IKZF3: variants seen among roughly 807,000 people sequenced by gnomAD.
The protein encoded by IKZF3 is zinc finger protein Aiolos.
A neutral mutation model predicts 49.0 loss-of-function variants in IKZF3; 10 were observed. The observed-to-expected ratio is 0.20, with a 90% CI of 0.13 to 0.35. IKZF3 has a LOEUF of 0.35. Ranked by LOEUF, IKZF3 falls within the 10% of genes least tolerant of loss-of-function variation. IKZF3 has a pLI of 1.00. For missense variants in IKZF3, 498 were observed against 664.8 expected (o/e 0.75, Z 2.76); for synonymous variants, 209 against 228.2 (o/e 0.92, Z 0.76).
intron 1 of IKZF3, among the ~76,000 whole-genome samples, chr17:39,837,058 A>G (rs1022649876): frequency 6.6e-6 from 1 of 151,998 alleles, no homozygotes. Flanking sequence ...CAGCCTCCCA[A>G]GTAACTAGGA....
rs1048806802 is a variant in IKZF3 at position 39,761,461 on chromosome 17, A to C, written c.*4329T>G. ...CTGGGCATTGTTTGTGCATGCCTGT[A>C]ATCCCAGCTACTTGGGAGGCTGAGG... On this transcript the variant is annotated 3_prime_UTR_variant, in exon 8 of 8. Coordinates refer to ENST00000346872, the MANE Select transcript of IKZF3 (RefSeq NM_012481.5). 1 of 152,060 alleles carries C rather than the reference A, an allele frequency of 6.6e-6. No homozygotes were observed. The highest frequency in any genetic ancestry group is 1.5e-5 in the Non-Finnish European group (1 of 68,034). The allele number at this position is 152,060 out of a possible 1,614,324, so 9.4% of individuals were successfully genotyped here. A position where few individuals can be genotyped will look rare whatever the true frequency, so the allele number is the denominator to read the frequency against.
intron 3 of IKZF3, among the ~76,000 whole-genome samples, chr17:39,827,345 G>A (rs1279785059): frequency 6.6e-6 from 1 of 151,768 alleles, no homozygotes; most frequent in African/African-American, 2.4e-5. Context: ...CCAGGCTGGA[G>A]TGCAGTAGCA....
intron 3 of IKZF3, among the ~76,000 whole-genome samples, chr17:39,804,737 C>A (rs1465674307): frequency 2.0e-5 from 3 of 152,124 alleles, no homozygotes; most frequent in South Asian, 4.1e-4. Context: ...TGCCACTGGC[C>A]AGTCCCTGCT....
chr17:39,767,623 G>T (rs1567956966), intron 7 of IKZF3, among the ~76,000 whole-genome samples: 1 of 152,084 alleles, frequency 6.6e-6, no homozygotes, highest in African/African-American at 2.4e-5. Flanking sequence ...ACAGTAAAGG[G>T]TTCAGCAATG....
chr17:39,848,390 T>C (rs543247700), intron 1 of IKZF3, among the ~76,000 whole-genome samples: 1 of 152,348 alleles, frequency 6.6e-6, no homozygotes, highest in East Asian at 1.9e-4. Flanking sequence ...AATTTTACCT[T>C]GTATATCACA....
chr17:39,825,224 C>T (rs779532037), intron 3 of IKZF3, among the ~76,000 whole-genome samples: 25 of 152,080 alleles, frequency 1.6e-4, no homozygotes, highest in African/African-American at 4.6e-4. Flanking sequence ...GTAAATGCCA[C>T]GGTTAAGTGG....
chr17:39,830,157 G>A (rs1280624743), intron 2 of IKZF3, among the ~76,000 whole-genome samples: 8 of 152,192 alleles, frequency 5.3e-5, no homozygotes, highest in East Asian at 1.9e-4. Context: ...AATACTAAGC[G>A]TGCAAACACT....
rs1313252127 is a variant in IKZF3, at chr17:39,758,569, G to T, written c.*7221C>A. The T allele has an allele frequency of 6.6e-6, 1 of 152,100 alleles. No individual in the cohort carries two copies. The highest frequency in any genetic ancestry group is 2.1e-4 in the South Asian group (1 of 4,810). 9.4% of individuals were successfully genotyped at this position (152,100 alleles called of 1,614,324 possible). On this transcript the variant is annotated 3_prime_UTR_variant, in exon 8 of 8. Transcript: ENST00000346872. ...GGACTCTCTCCAGGCTTTCTGGAGT[G>T]GGGTCAGTGGAGAGATGAACAGTGA...
rs190237031 is a variant in IKZF3, at chr17:39,765,584, G to T, written c.*206C>A. 5 of 495,266 alleles carry T rather than the reference G, an allele frequency of 1.0e-5. No homozygotes were observed. In the Admixed American group the frequency reaches 1.5e-4, roughly 14 times the overall value. The allele number at this position is 495,266 out of a possible 1,614,324, so 30.7% of individuals were successfully genotyped here. A position where few individuals can be genotyped will look rare whatever the true frequency, so the allele number is the denominator to read the frequency against. ...TTCAAGTCCCTGATGGGAAAACAAAGGTTTCACAAAAGTAATAATATGCTA... is the reference window on the plus strand; with the variant it reads ...TTCAAGTCCCTGATGGGAAAACAAATGTTTCACAAAAGTAATAATATGCTA... On this transcript the variant is annotated 3_prime_UTR_variant, in exon 8 of 8. Coordinates refer to ENST00000346872, the MANE Select transcript of IKZF3 (RefSeq NM_012481.5).
rs1413410052 is a variant in IKZF3, at chr17:39,788,330, G to C, written c.637C>G (p.Gln213Glu). Residue 213 changes from glutamine to glutamate, a missense_variant, in exon 6 of 8, where the codon CAG becomes GAG. This residue lies in a region of IKZF3 where 84 missense variants were observed against 168.6 expected (regional missense o/e 0.50). Coordinates refer to ENST00000346872, the MANE Select transcript of IKZF3 (RefSeq NM_012481.5). ...TTGTGCTCCTCAAGGGAACTTCTCTGCTTGTAACTCCTTCCACAAAACTCA... is the reference window on the plus strand; with the variant it reads ...TTGTGCTCCTCAAGGGAACTTCTCTCCTTGTAACTCCTTCCACAAAACTCA... ...KCEFCGRSYK[Q>E]RSSLEEHKER... 6.2e-7 allele frequency: 1 copy of C among 1,613,802 alleles called. No homozygotes were observed. Among genetic ancestry groups the C allele is most frequent in the Non-Finnish European group, 8.5e-7 (1 of 1,179,832 alleles).
chr17:39,819,120 C>T (rs542429862), intron 3 of IKZF3, among the ~76,000 whole-genome samples: 59 of 152,190 alleles, frequency 3.9e-4, no homozygotes, highest in African/African-American at 1.4e-3. Context: ...TGGGTTTTTA[C>T]AATATTTATT....
At position 39,850,224 on chromosome 17, in the gene IKZF3, T is replaced by C. The variant is rs962674062; in HGVS notation, c.7+13896A>G. On this transcript the variant is annotated intron_variant, in intron 1 of 7. Transcript: ENST00000346872. ...TATATACTATATAACATATTATGTA[T>C]GTATATATAATATATAGTATATACA... 7.1e-5 allele frequency among the ~76,000 whole-genome samples: 10 copies of C among 141,738 alleles called. 1 individual carries two copies. Among genetic ancestry groups the C allele is most frequent in the African/African-American group, 1.0e-4 (4 of 38,422 alleles). The allele number at this position is 141,738 out of a possible 152,430, so 93.0% of individuals were successfully genotyped here. A position where few individuals can be genotyped will look rare whatever the true frequency, so the allele number is the denominator to read the frequency against.
At chr17:39,863,611 T>G (rs2144620193) in intron 1 of IKZF3, among the ~76,000 whole-genome samples, 1 of 152,276 alleles carries the variant, frequency 6.6e-6, no homozygotes, top group East Asian at 1.9e-4. Flanking sequence ...GTGAACCTGA[T>G]TTTTTGCGCT....
chr17:39,810,870 A>G (rs1358630871), intron 3 of IKZF3, among the ~76,000 whole-genome samples: 2 of 152,200 alleles, frequency 1.3e-5, no homozygotes, highest in Non-Finnish European at 2.9e-5. Flanking sequence ...GAAATTATCT[A>G]ATTGATCCTT....
chr17:39,763,852 G>T lies in IKZF3; in HGVS notation c.*1938C>A, dbSNP rs1454231694. 1.3e-5 allele frequency: 2 copies of T among 152,042 alleles called. No homozygotes were observed. Among genetic ancestry groups the T allele is most frequent in the Non-Finnish European group, 2.9e-5 (2 of 68,014 alleles). The allele number at this position is 152,042 out of a possible 1,614,324, so 9.4% of individuals were successfully genotyped here. A position where few individuals can be genotyped will look rare whatever the true frequency, so the allele number is the denominator to read the frequency against. ...GAGTTTTTTTTGTTTTTGTTTGTTT[G>T]TTTTTGTTTTGTTTTGTTTGAGACA... On this transcript the variant is annotated 3_prime_UTR_variant, in exon 8 of 8. Transcript: ENST00000346872.
Position 39,810,389 on chromosome 17 carries a change from C to A in IKZF3, c.164-17456G>T, listed in dbSNP as rs552866645. 2.0e-5 allele frequency among the ~76,000 whole-genome samples: 3 copies of A among 151,966 alleles called. No individual in the cohort carries two copies. The South Asian group carries it at 6.2e-4, about 32-fold the overall frequency. ...TATTGTAAATAATGATAGTTTAAAC[C>A]ATTACCACACCCTTTCAAATGTATC... On this transcript the variant is annotated intron_variant, in intron 3 of 7. Coordinates refer to ENST00000346872, the MANE Select transcript of IKZF3 (RefSeq NM_012481.5).
At chr17:39,861,447 C>T (rs375262218) in intron 1 of IKZF3, among the ~76,000 whole-genome samples, 8 of 152,120 alleles carry the variant, frequency 5.3e-5, no homozygotes, top group African/African-American at 1.9e-4. Context: ...ATAGCAAAGA[C>T]ATGGAAGCAT....
intron 7 of IKZF3, among the ~76,000 whole-genome samples, chr17:39,770,404 AT>A (rs1338964576): frequency 6.6e-6 from 1 of 152,208 alleles, no homozygotes; most frequent in African/African-American, 2.4e-5. Context: ...TGGTTGGGCC[AT>A]TCCCTACCTG....
At chr17:39,812,208 T>A (rs1446096033) in intron 3 of IKZF3, among the ~76,000 whole-genome samples, 2 of 152,198 alleles carry the variant, frequency 1.3e-5, no homozygotes, top group Non-Finnish European at 1.5e-5. Context: ...CCATCTACTA[T>A]GTTGTGGAGA....
Sources: allele counts gnomAD v4.1 joint callset (sites outside exome capture counted in the v4.1 genomes callset), GRCh38; gene constraint gnomAD v4.1.1; regional missense constraint gnomAD v4.1.1; transcripts MANE v1.5; gene names NCBI Gene and HGNC (gene_info 2026-07-23, HGNC 2026-07-21).